TBCD: variants seen among roughly 807,000 people sequenced by gnomAD.
The protein encoded by TBCD is tubulin folding cofactor D.
Under a neutral mutation model 169.3 loss-of-function variants are expected in TBCD, and 105 were observed. That is an observed-to-expected ratio of 0.62 (90% CI 0.53 to 0.73). The LOEUF is 0.73. Ranked by LOEUF, TBCD falls within the 30% of genes least tolerant of loss-of-function variation. The probability of loss-of-function intolerance (pLI) is 0.00; values close to 1 mark genes in which losing one functional copy is unlikely to be tolerated. For synonymous variants in TBCD, 700 were observed against 643.9 expected, an observed-to-expected ratio of 1.09 and a Z score of -1.32; for missense variants, 1,444 against 1,600.1, an observed-to-expected ratio of 0.90 and a Z score of 1.66.
intron 7 of TBCD, among the ~76,000 whole-genome samples, chr17:82,793,854 G>A (rs1236850995): frequency 2.0e-5 from 3 of 152,170 alleles, no homozygotes; most frequent in African/African-American, 7.2e-5. Context: ...GCACGGATGC[G>A]ATTGGTTGCT....
chr17:82,797,962 C>CTTTTTTTTTTTTTTTTTTTTTTTTTTT (rs60671571), intron 8 of TBCD, among the ~76,000 whole-genome samples, 160 bp downstream of exon 8: 1 of 49,042 alleles, frequency 2.0e-5, no homozygotes, highest in Non-Finnish European at 3.7e-5. Flanking sequence ...AGTAACTGAA[C>CTTTTTTTTTTTTTTTTTTTTTTTTTTT]TTTTTTTTTT....
intron 7 of TBCD, among the ~76,000 whole-genome samples, chr17:82,797,135 A>G (rs1222260179): frequency 1.3e-5 from 2 of 152,252 alleles, no homozygotes; most frequent in Non-Finnish European, 2.9e-5. Flanking sequence ...TTAAAGCAGA[A>G]GGTAAAACCT....
At chr17:82,824,157 ATATT>A (rs1478444012) in intron 13 of TBCD, among the ~76,000 whole-genome samples, 1 of 151,824 alleles carries the variant, frequency 6.6e-6, no homozygotes, top group Non-Finnish European at 1.5e-5. Context: ...GACATACCAT[ATATT>A]TATTTATTTT....
chr17:82,896,881 C>G (rs541898757), intron 17 of TBCD, among the ~76,000 whole-genome samples: 1 of 151,540 alleles, frequency 6.6e-6, no homozygotes, highest in Non-Finnish European at 1.5e-5. Context: ...GGGTGTTGGT[C>G]TTTCAAGCTC....
rs559730412 is a variant in TBCD at position 82,787,332 on chromosome 17, C to T, written c.771+5611C>T. Among the ~76,000 whole-genome samples the T allele has an allele frequency of 9.8e-5, 15 of 152,380 alleles. No homozygotes were observed. The East Asian group carries it at 1.9e-3, about 20-fold the overall frequency. ...ATCCCTGGGAAGGGAATGAATGAAA[C>T]TGCCGTGAAGCAACGCCTGGCGGGG... On this transcript the variant is annotated intron_variant, in intron 7 of 38. Coordinates refer to ENST00000355528, the MANE Select transcript of TBCD (RefSeq NM_005993.5).
chr17:82,933,498 C>T (rs1220664656), intron 34 of TBCD, among the ~76,000 whole-genome samples: 1 of 152,074 alleles, frequency 6.6e-6, no homozygotes, highest in South Asian at 2.1e-4. Context: ...AAGTGCCTGC[C>T]TTGGCCTCCT....
chr17:82,784,769 G>C (rs1366359109), intron 7 of TBCD, among the ~76,000 whole-genome samples: 1 of 152,166 alleles, frequency 6.6e-6, no homozygotes, highest in Non-Finnish European at 1.5e-5. Flanking sequence ...TAAGACCCCA[G>C]AAGAATGGGC....
At chr17:82,769,919 A>G (rs2048219329) in intron 5 of TBCD, among the ~76,000 whole-genome samples, 1 of 151,980 alleles carries the variant, frequency 6.6e-6, no homozygotes, top group Non-Finnish European at 1.5e-5. Flanking sequence ...TTGATGATTG[A>G]TAGATCATCA....
In TBCD at chr17:82,754,378, G is replaced by C. The variant is rs1398831435; in HGVS notation, c.185-1787G>C. Among the ~76,000 whole-genome samples, 4 of 152,228 alleles carry C rather than the reference G, an allele frequency of 2.6e-5. No homozygotes were observed. In the South Asian group the frequency reaches 8.3e-4, roughly 32 times the overall value. On this transcript the variant is annotated intron_variant, in intron 1 of 38. Transcript: ENST00000355528. ...AGCTATCATGGGTCCGTGGATCCTA[G>C]TGTAGGTGTCAGACATGGAAACAAT...
At chr17:82,908,358 T>C (rs1408187491) in intron 21 of TBCD, 3 of 456,624 alleles carry the variant, frequency 6.6e-6, no homozygotes, top group Non-Finnish European at 1.3e-5. Flanking sequence ...TGTGTGTGCG[T>C]CTGTCGGATT....
At chr17:82,788,547 C>G (rs1231475033) in intron 7 of TBCD, among the ~76,000 whole-genome samples, 1 of 152,140 alleles carries the variant, frequency 6.6e-6, no homozygotes, top group East Asian at 1.9e-4. Flanking sequence ...AAGCACAACT[C>G]TTGTTAAAGG....
At position 82,766,406 on chromosome 17, in the gene TBCD, C is replaced by T. The variant is rs183492949; in HGVS notation, c.435+38C>T. ...GCCTCCCCCCTCGTCTCCAGCCCTC[C>T]GTGCCTGTCCTTCCTCCCTGCTTGC... On this transcript the variant is annotated intron_variant, in intron 4 of 38. Transcript: ENST00000355528. 1,106 of 1,508,870 alleles carry T rather than the reference C, an allele frequency of 7.3e-4. 9 individuals carry two copies. The African/African-American group carries it at 0.011, about 16-fold the overall frequency. The allele number at this position is 1,508,870 out of a possible 1,614,324, so 93.5% of individuals were successfully genotyped here.
At position 82,921,522 on chromosome 17, in the gene TBCD, A is replaced by G. The variant is rs1472771732; in HGVS notation, c.2123A>G (p.Asn708Ser). 15 of 1,613,926 alleles carry G rather than the reference A, an allele frequency of 9.3e-6. No individual in the cohort carries two copies. Among genetic ancestry groups the G allele is most frequent in the Non-Finnish European group, 1.3e-5 (15 of 1,179,914 alleles). ...TVIDGWQWLINDTLRHLHLIS... is the reference protein window; with the variant it reads ...TVIDGWQWLISDTLRHLHLIS... ...ACAGATGGTTGGCAATGGCTGATAA[A>G]TGACACTTTGAGACATCTCCATCTC... is the stretch of plus-strand genomic sequence containing the variant. The change falls in exon 25 of 39, where the codon AAT becomes AGT. Residue 708 changes from asparagine to serine, a missense_variant. Physicochemically the swap from Asn to Ser is conservative, Grantham distance 46 (BLOSUM62 1). Coordinates refer to ENST00000355528, the MANE Select transcript of TBCD (RefSeq NM_005993.5).
intron 20 of TBCD, among the ~76,000 whole-genome samples, chr17:82,906,527 G>T (rs74361986): frequency 0.054 from 8,173 of 152,268 alleles, 502 homozygotes; most frequent in African/African-American, 0.15. Context: ...TAATAATAAA[G>T]CATGAAAAAC....
chr17:82,758,093 CA>C (rs2047501118), intron 2 of TBCD, among the ~76,000 whole-genome samples: 1 of 151,844 alleles, frequency 6.6e-6, no homozygotes. Flanking sequence ...TCTTTCTTTG[CA>C]AAAACTGTTT....
At chr17:82,919,134 G>T (rs1425131617) in intron 23 of TBCD, among the ~76,000 whole-genome samples, 1 of 152,116 alleles carries the variant, frequency 6.6e-6, no homozygotes, top group Non-Finnish European at 1.5e-5. Context: ...GTTTACGGGG[G>T]GGGCCCAGAG....
intron 34 of TBCD, 180 bp from the exon 35 acceptor site, chr17:82,937,091 C>T (rs769445783): frequency 2.2e-5 from 13 of 600,296 alleles, no homozygotes; most frequent in South Asian, 1.4e-4. Flanking sequence ...GGGACCAGGC[C>T]GGCCTGTGGA....
chr17:82,882,229 A>C (rs2058406929), intron 14 of TBCD, among the ~76,000 whole-genome samples: 1 of 152,044 alleles, frequency 6.6e-6, no homozygotes, highest in Admixed American at 6.6e-5. Context: ...TGGGCTGCTC[A>C]CTCAGACCCA....
intron 17 of TBCD, chr17:82,895,812 TC>T (rs953437562): frequency 2.0e-5 from 3 of 152,132 alleles, no homozygotes; most frequent in African/African-American, 7.2e-5. Context: ...TGGAGATGTT[TC>T]CTCTGCAAAT....
Sources: gnomAD v4.1 joint callset for allele counts (sites outside exome capture counted in the v4.1 genomes callset) on GRCh38, gnomAD v4.1.1 for gene constraint, MANE v1.5 for transcripts, NCBI Gene and HGNC (gene_info 2026-07-23, HGNC 2026-07-21) for gene names.